The following MTREX variants were observed in gnomAD, a reference collection of about 807,000 sequenced individuals.
The protein encoded by MTREX is Mtr4 exosome RNA helicase.
Under a neutral mutation model 135.4 loss-of-function variants are expected in MTREX, and 76 were observed. That is an observed-to-expected ratio of 0.56 (90% CI 0.47 to 0.68). The LOEUF (loss-of-function observed/expected upper bound fraction) is 0.68. MTREX is among the 30% of genes least tolerant of loss of function. The pLI is 0.00. For synonymous variants in MTREX, 404 were observed against 401.6 expected (o/e 1.01, Z -0.07); for missense variants, 920 against 1,262.1 (o/e 0.73, Z 4.11).
At chr5:55,328,283 G>A (rs1431869919) in intron 4 of MTREX, among the ~76,000 whole-genome samples, 1 of 152,124 alleles carries the variant, frequency 6.6e-6, no homozygotes, top group Non-Finnish European at 1.5e-5. Context: ...TCTACGGAGT[G>A]AACTTTACTG....
intron 1 of MTREX, among the ~76,000 whole-genome samples, chr5:55,309,177 A>G (rs886093225): frequency 2.6e-5 from 4 of 152,188 alleles, no homozygotes; most frequent in African/African-American, 9.6e-5. Flanking sequence ...AGGAGCATAA[A>G]TTGAGCAAGA....
intron 21 of MTREX, among the ~76,000 whole-genome samples, chr5:55,401,076 C>T (rs1579894985): frequency 6.6e-6 from 1 of 152,084 alleles, no homozygotes; most frequent in Non-Finnish European, 1.5e-5. Flanking sequence ...GCTCCGTCAC[C>T]CAGGCTTCAG....
Position 55,339,357 on chromosome 5 carries a change from G to C in MTREX, c.516-653G>C, listed in dbSNP as rs193025058. Among the ~76,000 whole-genome samples the C allele has an allele frequency of 2.0e-5, 3 of 152,248 alleles. No individual in the cohort carries two copies. In the East Asian group the frequency reaches 5.8e-4, roughly 29 times the overall value. ...AATTGCTTATTTCACTGGCTGGGATGAATGTTATTTTTATTTCCCCAAATA... is the reference window on the plus strand; with the variant it reads ...AATTGCTTATTTCACTGGCTGGGATCAATGTTATTTTTATTTCCCCAAATA... On this transcript the variant is annotated intron_variant, in intron 5 of 26. Transcript: ENST00000230640.
At chr5:55,418,739 A>T (rs1371542997) in intron 25 of MTREX, among the ~76,000 whole-genome samples, 2 of 152,124 alleles carry the variant, frequency 1.3e-5, no homozygotes, top group African/African-American at 4.8e-5. Context: ...AAAAATGAGA[A>T]CCTTCATTTT....
chr5:55,383,165 T>G (rs1324026846), intron 18 of MTREX, among the ~76,000 whole-genome samples: 1 of 152,236 alleles, frequency 6.6e-6, no homozygotes, highest in African/African-American at 2.4e-5. Flanking sequence ...AATAATATAA[T>G]GTATACATAT....
chr5:55,363,659 GATGT>G (rs1750050683), intron 15 of MTREX, among the ~76,000 whole-genome samples: 1 of 151,992 alleles, frequency 6.6e-6, no homozygotes, highest in African/African-American at 2.4e-5. Flanking sequence ...TAATATGAGG[GATGT>G]ATTGGATTGA....
At chr5:55,309,589 G>A (rs1554029463) in intron 1 of MTREX, among the ~76,000 whole-genome samples, 1 of 152,048 alleles carries the variant, frequency 6.6e-6, no homozygotes, top group Non-Finnish European at 1.5e-5. Context: ...ATGTCAGGGT[G>A]AAAAAAACAG....
intron 11 of MTREX, among the ~76,000 whole-genome samples, chr5:55,348,195 C>A (rs916713619): frequency 5.3e-5 from 8 of 152,090 alleles, no homozygotes; most frequent in African/African-American, 1.7e-4. Context: ...GTCGTGGAAT[C>A]CCACGGCTGA....
intron 15 of MTREX, among the ~76,000 whole-genome samples, chr5:55,360,731 A>G (rs552031682): frequency 1.2e-3 from 190 of 152,258 alleles, no homozygotes; most frequent in African/African-American, 3.9e-3. Flanking sequence ...CTGCATTTCT[A>G]GGCATATTTC....
intron 14 of MTREX, among the ~76,000 whole-genome samples, chr5:55,355,046 A>T (rs537632840): frequency 2.0e-4 from 31 of 152,190 alleles, no homozygotes; most frequent in Admixed American, 1.6e-3. Context: ...GTTCAGAGAC[A>T]TTTCACACAA....
chr5:55,418,960 C>T (rs1187257119), intron 25 of MTREX, among the ~76,000 whole-genome samples: 1 of 152,174 alleles, frequency 6.6e-6, no homozygotes, highest in Non-Finnish European at 1.5e-5. Context: ...CCTTCCACCT[C>T]AGCCTCCAGA....
At chr5:55,399,417 G>A (rs1750689440) in intron 20 of MTREX, among the ~76,000 whole-genome samples, 2 of 152,112 alleles carry the variant, frequency 1.3e-5, no homozygotes, top group Admixed American at 1.3e-4. Flanking sequence ...TTCTCTGTAT[G>A]AATATGTCTA....
Position 55,379,206 on chromosome 5 carries a change from A to G in MTREX, c.2052+11A>G. ...AAGTCAAATGTTAAGGTAAACTATT[A>G]TCTTTAAATTAGAATTGTATATCAA... On this transcript the variant is annotated intron_variant, in intron 18 of 26. Transcript: ENST00000230640. 6.7e-7 allele frequency: 1 copy of G among 1,499,724 alleles called. No individual in the cohort carries two copies. Among genetic ancestry groups the G allele is most frequent in the South Asian group, 1.1e-5 (1 of 88,108 alleles). The allele number at this position is 1,499,724 out of a possible 1,614,324, so 92.9% of individuals were successfully genotyped here.
intron 22 of MTREX, among the ~76,000 whole-genome samples, chr5:55,407,348 T>A (rs1750823894): frequency 1.3e-5 from 2 of 152,230 alleles, no homozygotes; most frequent in South Asian, 4.1e-4. Context: ...TATCCAGGAT[T>A]AAATCTAAAC....
At chr5:55,369,284 G>C (rs1750156462) in intron 16 of MTREX, among the ~76,000 whole-genome samples, 3 of 152,096 alleles carry the variant, frequency 2.0e-5, no homozygotes, top group South Asian at 4.1e-4. Context: ...AAGATTACAA[G>C]CTAGTTTAAT....
intron 5 of MTREX, among the ~76,000 whole-genome samples, chr5:55,329,678 G>C (rs1749438724): frequency 6.6e-6 from 1 of 152,066 alleles, no homozygotes; most frequent in Non-Finnish European, 1.5e-5. Flanking sequence ...CTTTGGTATG[G>C]AATTGTAATT....
At chr5:55,408,037 G>A (rs1232749171) in intron 22 of MTREX, among the ~76,000 whole-genome samples, 1 of 152,124 alleles carries the variant, frequency 6.6e-6, no homozygotes, top group Non-Finnish European at 1.5e-5. Context: ...GATTACAGGT[G>A]TGAGCCACTT....
chr5:55,372,892 A>T (rs866756529), intron 16 of MTREX, among the ~76,000 whole-genome samples: 2 of 120,914 alleles, frequency 1.7e-5, no homozygotes, highest in African/African-American at 3.1e-5. Flanking sequence ...TAAAACTGTA[A>T]TGTGTGTGTG....
In MTREX at chr5:55,328,809, C is replaced by A. The variant is rs201453594; in HGVS notation, c.513C>A (p.Ala171=). 3.8e-6 allele frequency: 6 copies of A among 1,572,580 alleles called. No individual in the cohort carries two copies. The East Asian group carries it at 6.8e-5, about 18-fold the overall frequency. The change falls in exon 5 of 27, where the codon GCC becomes GCA. Residue 171 remains alanine (A), a splice_region_variant and synonymous_variant. Transcript: ENST00000230640. ...CCTCAGCGGGAAAAACAGTATGCGC[C>A]GAGTGAGTAGCTTCCTTTTTAAAGT... The part of the protein sequence containing the change: ...AHTSAGKTVC[A]EYAIALALRE...
Sources: gnomAD v4.1 joint callset for allele counts (sites outside exome capture counted in the v4.1 genomes callset) on GRCh38, gnomAD v4.1.1 for gene constraint, MANE v1.5 for transcripts, NCBI Gene and HGNC (gene_info 2026-07-23, HGNC 2026-07-21) for gene names.